The following CFAP61 variants were observed in gnomAD, a reference collection of about 807,000 sequenced individuals.
CFAP61 encodes the protein cilia and flagella associated protein 61.
Under a neutral mutation model 135.6 loss-of-function variants are expected in CFAP61, and 107 were observed. The ratio of observed to expected loss-of-function variants is 0.79; its 90% confidence interval spans 0.67 to 0.93. CFAP61 has a LOEUF of 0.93. Among genes scored for constraint, CFAP61 ranks in the 40% least tolerant of loss-of-function variants. CFAP61 has a pLI of 0.00. For synonymous variants in CFAP61, 575 were observed against 578.5 expected, an observed-to-expected ratio of 0.99 and a Z score of 0.09; for missense variants, 1,507 against 1,556.2, an observed-to-expected ratio of 0.97 and a Z score of 0.53.
At chr20:20,234,962 T>C (rs983159155) in intron 18 of CFAP61, among the ~76,000 whole-genome samples, 1 of 152,092 alleles carries the variant, frequency 6.6e-6, no homozygotes, top group Non-Finnish European at 1.5e-5. Flanking sequence ...GTGCTGACAC[T>C]TGTTAGACGG....
At chr20:20,086,017 T>G (rs1006049620) in intron 6 of CFAP61, among the ~76,000 whole-genome samples, 7 of 152,228 alleles carry the variant, frequency 4.6e-5, no homozygotes, top group Non-Finnish European at 1.0e-4. Context: ...AACAAACACT[T>G]GCTAAGGACT....
intron 17 of CFAP61, among the ~76,000 whole-genome samples, chr20:20,208,270 A>T (rs542708616): frequency 1.3e-5 from 2 of 152,234 alleles, no homozygotes; most frequent in African/African-American, 4.8e-5. Flanking sequence ...TCCTGCACCC[A>T]GATGGAAAGT....
intron 8 of CFAP61, among the ~76,000 whole-genome samples, chr20:20,128,852 A>C (rs914454422): frequency 6.6e-6 from 1 of 151,740 alleles, no homozygotes; most frequent in African/African-American, 2.4e-5. Context: ...ATGACAGCTT[A>C]CCTTCGATCA....
At chr20:20,215,886 A>G (rs1326463091) in intron 17 of CFAP61, among the ~76,000 whole-genome samples, 1 of 152,178 alleles carries the variant, frequency 6.6e-6, no homozygotes, top group South Asian at 2.1e-4. Context: ...CACATTAAAA[A>G]TCATTAAGGC....
At chr20:20,285,920 C>CAA (rs11476999) in intron 22 of CFAP61, among the ~76,000 whole-genome samples, 17 of 110,240 alleles carry the variant, frequency 1.5e-4, no homozygotes, top group African/African-American at 3.6e-4. Context: ...GACCCTGTCT[C>CAA]AAAAAAAAAA....
intron 17 of CFAP61, among the ~76,000 whole-genome samples, chr20:20,226,584 T>A (rs2048749277): frequency 6.6e-6 from 1 of 152,212 alleles, no homozygotes; most frequent in African/African-American, 2.4e-5. Context: ...TTGAAAAGAA[T>A]TCCTGTTCTA....
chr20:20,246,358 G>T, intron 19 of CFAP61, 143 bp downstream of exon 19: 1 of 679,582 alleles, frequency 1.5e-6, no homozygotes, highest in Non-Finnish European at 2.6e-6. Flanking sequence ...TCACTTAGGA[G>T]ATACAAGTAC....
chr20:20,093,350 G>C (rs541148029), intron 7 of CFAP61, among the ~76,000 whole-genome samples: 1 of 152,228 alleles, frequency 6.6e-6, no homozygotes, highest in East Asian at 1.9e-4. Context: ...TGGTTGGTGG[G>C]GGGATGAAAA....
chr20:20,358,986 T>C (rs918450598), intron 26 of CFAP61, among the ~76,000 whole-genome samples: 2 of 152,148 alleles, frequency 1.3e-5, no homozygotes, highest in Non-Finnish European at 2.9e-5. Context: ...GGGATGTGCT[T>C]TCTAGAAGTA....
At chr20:20,350,337 A>G (rs549629854) in intron 26 of CFAP61, among the ~76,000 whole-genome samples, 2 of 152,328 alleles carry the variant, frequency 1.3e-5, no homozygotes, top group African/African-American at 4.8e-5. Flanking sequence ...TATATATCCA[A>G]AAGAATTGAG....
rs558732794 is a variant in CFAP61 at position 20,307,127 on chromosome 20, C to T, written c.3422+8741C>T. 2.0e-5 allele frequency among the ~76,000 whole-genome samples: 3 copies of T among 152,308 alleles called. No homozygotes were observed. In the East Asian group the frequency reaches 5.8e-4, roughly 29 times the overall value. On this transcript the variant is annotated intron_variant, in intron 25 of 26. Transcript: ENST00000245957. ...CCTCTTTGTCCTGTGCCCCTGTGCA[C>T]ACTTGGTATATATCCTAAGAGAATT...
At chr20:20,209,798 C>T (rs2047501895) in intron 17 of CFAP61, among the ~76,000 whole-genome samples, 1 of 152,154 alleles carries the variant, frequency 6.6e-6, no homozygotes, top group African/African-American at 2.4e-5. Flanking sequence ...GTCATGGCAT[C>T]GTGGCAGGCG....
chr20:20,108,854 A>G (rs932575943), intron 8 of CFAP61, among the ~76,000 whole-genome samples: 2 of 152,202 alleles, frequency 1.3e-5, no homozygotes, highest in African/African-American at 4.8e-5. Context: ...ACATCCACTG[A>G]TATCAGGAAA....
intron 9 of CFAP61, among the ~76,000 whole-genome samples, chr20:20,158,040 A>G (rs1017005003): frequency 2.0e-5 from 3 of 150,414 alleles, no homozygotes; most frequent in South Asian, 2.1e-4. Flanking sequence ...GAATTGAACA[A>G]TGAGATCACA....
intron 25 of CFAP61, among the ~76,000 whole-genome samples, chr20:20,307,924 G>A (rs1324527315): frequency 6.6e-6 from 1 of 152,194 alleles, no homozygotes; most frequent in African/African-American, 2.4e-5. Context: ...ACCCAAAGCA[G>A]CCAAATACAT....
intron 21 of CFAP61, chr20:20,265,742 C>G: frequency 2.2e-6 from 1 of 456,400 alleles, no homozygotes; most frequent in East Asian, 3.7e-5. Context: ...CTGACCTGGC[C>G]AAGTTCATTT....
chr20:20,102,174 A>G (rs1252527651), intron 8 of CFAP61, among the ~76,000 whole-genome samples: 1 of 152,216 alleles, frequency 6.6e-6, no homozygotes, highest in East Asian at 1.9e-4. Context: ...TCCCTATGTC[A>G]CATCCCAGCT....
intron 25 of CFAP61, among the ~76,000 whole-genome samples, chr20:20,340,945 G>A (rs906203384): frequency 6.6e-6 from 1 of 152,108 alleles, no homozygotes; most frequent in African/African-American, 2.4e-5. Flanking sequence ...TAGTGCCCCC[G>A]TGGCCCCTGG....
chr20:20,272,043 A>G (rs1402652341), intron 21 of CFAP61, among the ~76,000 whole-genome samples: 1 of 152,258 alleles, frequency 6.6e-6, no homozygotes, highest in South Asian at 2.1e-4. Flanking sequence ...GTAGGTATAC[A>G]TGAATTAAAT....
Sources: allele counts gnomAD v4.1 joint callset (sites outside exome capture counted in the v4.1 genomes callset), GRCh38; gene constraint gnomAD v4.1.1; transcripts MANE v1.5; gene names NCBI Gene and HGNC (gene_info 2026-07-23, HGNC 2026-07-21).